The following ZFPM2 variants were observed in gnomAD, a reference collection of about 807,000 sequenced individuals.
The protein encoded by ZFPM2 is zinc finger protein ZFPM2.
In ZFPM2, 20 loss-of-function variants were observed where a neutral mutation model predicts 98.6. The observed-to-expected ratio is 0.20, with a 90% CI of 0.14 to 0.29. The LOEUF (loss-of-function observed/expected upper bound fraction) is 0.29. ZFPM2 is among the 10% of genes least tolerant of loss of function. The pLI is 1.00. For missense variants in ZFPM2, 1,310 were observed against 1,388.6 expected, an observed-to-expected ratio of 0.94 and a Z score of 0.90; for synonymous variants, 518 against 502.7, an observed-to-expected ratio of 1.03 and a Z score of -0.41.
chr8:105,528,822 C>T (rs543628557), intron 3 of ZFPM2: 9 of 152,182 alleles, frequency 5.9e-5, no homozygotes, highest in African/African-American at 2.2e-4. Flanking sequence ...TATGTATGGG[C>T]ACAATACATA....
intron 1 of ZFPM2, among the ~76,000 whole-genome samples, chr8:105,410,105 C>T (rs533926674): frequency 6.6e-6 from 1 of 151,932 alleles, no homozygotes; most frequent in Admixed American, 6.6e-5. Flanking sequence ...AATTGACCTA[C>T]TTGATGAAAT....
chr8:105,396,652 C>T (rs1423681721), intron 1 of ZFPM2, among the ~76,000 whole-genome samples: 4 of 152,106 alleles, frequency 2.6e-5, no homozygotes, highest in East Asian at 1.9e-4. Context: ...AAATATCTTC[C>T]GTTAGTGCAT....
chr8:105,472,569 C>G (rs1812925363), intron 3 of ZFPM2, among the ~76,000 whole-genome samples: 1 of 152,120 alleles, frequency 6.6e-6, no homozygotes, highest in South Asian at 2.1e-4. Flanking sequence ...GTGGCGTGAA[C>G]TCGGCTCACT....
chr8:105,487,935 TAG>T (rs5893745), intron 3 of ZFPM2, among the ~76,000 whole-genome samples: 26,111 of 142,660 alleles, frequency 0.18, 2,381 homozygotes, highest in Middle Eastern at 0.24. Context: ...TCTATCTAGC[TAG>T]CTAGCTAGCT....
chr8:105,793,573 C>T (rs530023530), intron 6 of ZFPM2, among the ~76,000 whole-genome samples: 111 of 152,038 alleles, frequency 7.3e-4, no homozygotes, highest in Non-Finnish European at 1.2e-3. Flanking sequence ...CTTGGAGTTG[C>T]TCTTCTCAAG....
At chr8:105,675,564 C>T (rs1449335429) in intron 5 of ZFPM2, among the ~76,000 whole-genome samples, 1 of 151,988 alleles carries the variant, frequency 6.6e-6, no homozygotes, top group Non-Finnish European at 1.5e-5. Context: ...TCTTTGTGGG[C>T]CAGAACGTGG....
intron 1 of ZFPM2, among the ~76,000 whole-genome samples, chr8:105,345,425 C>CT (rs10560485): frequency 0.19 from 18,353 of 98,054 alleles, 2,147 homozygotes; most frequent in Non-Finnish European, 0.24. Flanking sequence ...TCGTGATGTT[C>CT]TTTTTTTTTT....
chr8:105,528,004 A>C (rs1270550694), intron 3 of ZFPM2, among the ~76,000 whole-genome samples: 1 of 152,180 alleles, frequency 6.6e-6, no homozygotes, highest in Non-Finnish European at 1.5e-5. Context: ...TGACAAAGAT[A>C]GATAGGATAT....
intron 1 of ZFPM2, among the ~76,000 whole-genome samples, chr8:105,393,590 A>C (rs1811162084): frequency 6.6e-6 from 1 of 152,170 alleles, no homozygotes. Flanking sequence ...GAGCATGTTT[A>C]TTATTATAAC....
In ZFPM2 at chr8:105,789,143, G is replaced by C. The variant is rs1297041851; in HGVS notation, c.739+219G>C. The C allele has an allele frequency of 2.1e-5, 9 of 428,236 alleles. No individual in the cohort carries two copies. In the East Asian group the frequency reaches 3.1e-4, roughly 15 times the overall value. The allele number at this position is 428,236 out of a possible 1,614,324, so 26.5% of individuals were successfully genotyped here. On this transcript the variant is annotated intron_variant, in intron 6 of 7. Coordinates refer to ENST00000407775, the MANE Select transcript of ZFPM2 (RefSeq NM_012082.4). ...ATACATGTGCACAATGTGCAGGTTA[G>C]TTACATATGTATACATGTGACATGC...
intron 1 of ZFPM2, among the ~76,000 whole-genome samples, chr8:105,370,558 A>G (rs558355338): frequency 1.3e-5 from 2 of 152,322 alleles, no homozygotes; most frequent in Admixed American, 6.5e-5. Flanking sequence ...TGTGTACAAC[A>G]TGGCTTTATG....
intron 5 of ZFPM2, among the ~76,000 whole-genome samples, chr8:105,697,104 G>A (rs560577223): frequency 2.2e-4 from 34 of 152,152 alleles, no homozygotes; most frequent in Middle Eastern, 3.4e-3. Flanking sequence ...CGGAAAATCC[G>A]AGTCTATGAG....
At chr8:105,685,435 C>T (rs1261123178) in intron 5 of ZFPM2, among the ~76,000 whole-genome samples, 1 of 151,930 alleles carries the variant, frequency 6.6e-6, no homozygotes, top group African/African-American at 2.4e-5. Context: ...TTAATGTCCT[C>T]GTTTATTGAA....
chr8:105,595,786 C>A (rs953633448), intron 4 of ZFPM2, among the ~76,000 whole-genome samples: 3 of 151,900 alleles, frequency 2.0e-5, no homozygotes, highest in Non-Finnish European at 4.4e-5. Flanking sequence ...TCCTTCATGG[C>A]TAAAATAATC....
At chr8:105,534,201 C>T (rs1401560268) in intron 3 of ZFPM2, among the ~76,000 whole-genome samples, 8 of 85,630 alleles carry the variant, frequency 9.3e-5, no homozygotes, top group Admixed American at 3.4e-4. Flanking sequence ...TCCTCCCTCC[C>T]TCCCTTCTTC....
At chr8:105,778,618 C>T (rs948137616) in intron 5 of ZFPM2, among the ~76,000 whole-genome samples, 5 of 152,148 alleles carry the variant, frequency 3.3e-5, no homozygotes, top group African/African-American at 9.6e-5. Flanking sequence ...AATGTGTAAT[C>T]GTCATTAACT....
chr8:105,427,228 A>G (rs1486651052), intron 2 of ZFPM2, among the ~76,000 whole-genome samples: 1 of 152,146 alleles, frequency 6.6e-6, no homozygotes, highest in Non-Finnish European at 1.5e-5. Flanking sequence ...TCAGTATTCT[A>G]TGTAAGGGTC....
intron 4 of ZFPM2, among the ~76,000 whole-genome samples, chr8:105,596,101 G>T (rs186260157): frequency 6.6e-6 from 1 of 151,874 alleles, no homozygotes; most frequent in East Asian, 1.9e-4. Context: ...CACTACTTCT[G>T]TGCACCCTGT....
At chr8:105,521,151 AC>A (rs1293905397) in intron 3 of ZFPM2, among the ~76,000 whole-genome samples, 35 of 151,860 alleles carry the variant, frequency 2.3e-4, no homozygotes, top group African/African-American at 8.0e-4. Context: ...ACACACACAC[AC>A]AAACACACAC....
Sources: allele counts gnomAD v4.1 joint callset (sites outside exome capture counted in the v4.1 genomes callset), GRCh38; gene constraint gnomAD v4.1.1; transcripts MANE v1.5; gene names NCBI Gene and HGNC (gene_info 2026-07-23, HGNC 2026-07-21).